PLA2G4F: variants seen among roughly 807,000 people sequenced by gnomAD.
PLA2G4F encodes the protein cytosolic phospholipase A2 zeta.
In PLA2G4F, 105 loss-of-function variants were observed where a neutral mutation model predicts 103.1. The observed-to-expected ratio is 1.02, with a 90% CI of 0.87 to 1.20. The LOEUF (loss-of-function observed/expected upper bound fraction) is 1.20, where lower values mean the gene tolerates loss of function less well. Among genes scored for constraint, PLA2G4F ranks in the 50% most tolerant of loss-of-function variants. The probability of loss-of-function intolerance (pLI) is 0.00; values close to 1 mark genes in which losing one functional copy is unlikely to be tolerated. For missense variants in PLA2G4F, 1,155 were observed against 1,075.9 expected, an observed-to-expected ratio of 1.07 and a Z score of -1.03; for synonymous variants, 468 against 441.1, an observed-to-expected ratio of 1.06 and a Z score of -0.76.
Position 42,149,755 on chromosome 15 carries a change from C to T in PLA2G4F, c.1017G>A (p.Leu339=). 1.2e-6 allele frequency: 2 copies of T among 1,614,206 alleles called. No individual in the cohort carries two copies. Among genetic ancestry groups the T allele is most frequent in the Non-Finnish European group, 1.7e-6 (2 of 1,180,028 alleles). Residue 339 remains leucine (L), a synonymous_variant, in exon 11 of 20, where the codon CTG becomes CTA. Coordinates refer to ENST00000397272, the MANE Select transcript of PLA2G4F (RefSeq NM_213600.4). ...CCTCACTCAATCCCAGCACTTGCTG[C>T]AGGGCCTTGGACACGACCTGCTTCC... The part of the protein sequence containing the change: ...DRRKQVVSKA[L]QQVLGLSEAL...
intron 19 of PLA2G4F, 92 bp from the exon 20 acceptor site, chr15:42,142,296 T>A: frequency 8.4e-6 from 11 of 1,317,052 alleles, no homozygotes; most frequent in Non-Finnish European, 1.1e-5. Flanking sequence ...GCAGGACACC[T>A]GGCTGGCTCC....
rs1446955159 is a variant in PLA2G4F, at chr15:42,153,606, C to T, written c.491+14G>A. The T allele has an allele frequency of 4.3e-6, 7 of 1,614,058 alleles. No homozygotes were observed. The highest frequency in any genetic ancestry group is 5.9e-6 in the Non-Finnish European group (7 of 1,180,010). On this transcript the variant is annotated intron_variant, in intron 5 of 19. Transcript: ENST00000397272. ...CTCTGAGTCTCTGAGGGCGTTGGCTCTACCAGAACTCACCTCTTCTCCAGA... is the reference window on the plus strand; with the variant it reads ...CTCTGAGTCTCTGAGGGCGTTGGCTTTACCAGAACTCACCTCTTCTCCAGA...
At chr15:42,152,843 G>A in intron 6 of PLA2G4F, 89 bp from the exon 7 acceptor site, 2 of 1,290,396 alleles carry the variant, frequency 1.5e-6, no homozygotes, top group East Asian at 2.5e-5. Flanking sequence ...CAGGGTCTGG[G>A]AAACAGCCAT....
At position 42,142,593 on chromosome 15, in the gene PLA2G4F, G is replaced by C; in HGVS notation, c.2264C>G (p.Pro755Arg). 1 of 1,614,142 alleles carries C rather than the reference G, an allele frequency of 6.2e-7. No individual in the cohort carries two copies. The stretch of plus-strand genomic sequence containing the variant: ...GAAGTGCAGCACAATGGGGGAGCGG[G>C]GGTCCTCAGCCTTGGCAAACAGATA... ...ECYLFAKAED[P>R]RSPIVLHFPL... The change falls in exon 19 of 20, where the codon CCC (proline) becomes CGC (arginine). Residue 755 changes from proline (P) to arginine (R), a missense_variant. Transcript: ENST00000397272.
rs141111046 is a variant in PLA2G4F at position 42,146,159 on chromosome 15, A to G, written c.1502T>C (p.Val501Ala). 1.8e-4 allele frequency: 294 copies of G among 1,614,088 alleles called. No individual in the cohort carries two copies. The highest frequency in any genetic ancestry group is 2.3e-4 in the Non-Finnish European group (277 of 1,180,046). ...ATCTTCCCCACTCAAGTTGGTGCGG[A>G]CGTTGACACTGGTGTAAATGGGGTA... ...NPYPIYTSVNVRTNLSGEDFA... is the reference protein window; with the variant it reads ...NPYPIYTSVNARTNLSGEDFA... Residue 501 changes from valine to alanine, a missense_variant, in exon 14 of 20, where the codon GTC becomes GCC. Val to Ala is a moderately conservative substitution (Grantham distance 64). Transcript: ENST00000397272.
In PLA2G4F at chr15:42,153,763, G is replaced by GCTTGGCTCC; in HGVS notation, c.451-104_451-103insGGAGCCAAG. On this transcript the variant is annotated intron_variant, in intron 4 of 19. Transcript: ENST00000397272. ...CTTGGCTCCAGGGGCTAGAAGGGGA[G>GCTTGGCTCC]ACTGGCATTGTGGCTTGTCATGGAC... 4 of 1,298,132 alleles carry GCTTGGCTCC rather than the reference G, an allele frequency of 3.1e-6. No individual in the cohort carries two copies. In the East Asian group the frequency reaches 6.9e-5, roughly 23 times the overall value. 80.4% of individuals were successfully genotyped at this position (1,298,132 alleles called of 1,614,324 possible).
intron 11 of PLA2G4F, chr15:42,148,673 C>T: frequency 1.0e-6 from 1 of 985,408 alleles, no homozygotes; most frequent in Non-Finnish European, 1.2e-6. Context: ...GACCTGCCCC[C>T]AGGCACCAAA....
At position 42,144,040 on chromosome 15, in the gene PLA2G4F, G is replaced by T. The variant is rs769361292; in HGVS notation, c.2080C>A (p.Leu694Met). 21 of 1,614,024 alleles carry T rather than the reference G, an allele frequency of 1.3e-5. No individual in the cohort carries two copies. The East Asian group carries it at 4.0e-4, about 31-fold the overall frequency. ...ATGAGGTCCACTGCTCTCTGAGGCAGCAGAGCCAGTGGGAACGGAGAGTTG... is the reference window on the plus strand; with the variant it reads ...ATGAGGTCCACTGCTCTCTGAGGCATCAGAGCCAGTGGGAACGGAGAGTTG... ...AINSPFPLAL[L>M]PQRAVDLILS... is the part of the protein sequence containing the mutation. Residue 694 changes from leucine (L) to methionine (M), a missense_variant, in exon 18 of 20, where the codon CTG becomes ATG. By Grantham distance (15) the Leu-to-Met change is conservative. This residue lies in a region of PLA2G4F where 782 missense variants were observed against 692.9 expected (regional missense o/e 1.13). Transcript: ENST00000397272.
chr15:42,142,762 C>T (rs752815113), intron 18 of PLA2G4F, 48 bp from the exon 19 acceptor site: 3 of 1,596,450 alleles, frequency 1.9e-6, no homozygotes, highest in Non-Finnish European at 2.6e-6. Flanking sequence ...ACCCTGGCCA[C>T]TCCCGCCGCC....
At chr15:42,149,955 C>A in intron 10 of PLA2G4F, 107 bp from the exon 11 acceptor site, 3 of 1,522,934 alleles carry the variant, frequency 2.0e-6, no homozygotes, top group South Asian at 2.3e-5. Flanking sequence ...TCCAAGGGAT[C>A]CGCCCACCAG....
At chr15:42,143,523 G>A (rs1278272645) in intron 18 of PLA2G4F, among the ~76,000 whole-genome samples, 2 of 152,188 alleles carry the variant, frequency 1.3e-5, no homozygotes, top group African/African-American at 2.4e-5. Flanking sequence ...GGGAATGGGG[G>A]CATCCGTCCA....
rs1595617859 is a variant in PLA2G4F, at chr15:42,145,567, A to G, written c.1780+8T>C. 1 of 1,612,546 alleles carries G rather than the reference A, an allele frequency of 6.2e-7. No homozygotes were observed. The highest frequency in any genetic ancestry group is 8.5e-7 in the Non-Finnish European group (1 of 1,179,066). On this transcript the variant is annotated splice_region_variant and intron_variant, in intron 16 of 19. Transcript: ENST00000397272. ...GGTGTGGGAGGGGCTCGGGGTCGCT[A>G]CCCTCACCTGTGATATTCACACTGC...
At chr15:42,152,594 T>A (rs143543335) in intron 7 of PLA2G4F, 94 bp downstream of exon 7, 3 of 1,333,600 alleles carry the variant, frequency 2.2e-6, no homozygotes, top group South Asian at 2.5e-5. Context: ...ATGAAAACTT[T>A]AAGAACTTCC....
intron 7 of PLA2G4F, chr15:42,151,257 G>C: frequency 3.0e-6 from 3 of 985,324 alleles, no homozygotes; most frequent in Non-Finnish European, 3.6e-6. Flanking sequence ...GGGAGAGGAA[G>C]GTTTGTAGAG....
rs1418919120 is a variant in PLA2G4F at position 42,156,618 on chromosome 15, AG to A, written c.-70del. 1 of 1,113,022 alleles carries A rather than the reference AG, an allele frequency of 9.0e-7. No homozygotes were observed. The highest frequency in any genetic ancestry group is 1.3e-6 in the Non-Finnish European group (1 of 783,672). The allele number at this position is 1,113,022 out of a possible 1,614,324, so 68.9% of individuals were successfully genotyped here. A position where few individuals can be genotyped will look rare whatever the true frequency, so the allele number is the denominator to read the frequency against. ...CTCTGGTTGCACAAACTGCTGGCTCAGGTGTGACAGGCAGCACTGAGTTGGG... is the reference window on the plus strand; with the variant it reads ...CTCTGGTTGCACAAACTGCTGGCTCAGTGTGACAGGCAGCACTGAGTTGGG... On this transcript the variant is annotated 5_prime_UTR_variant, in exon 1 of 20. Transcript: ENST00000397272.
chr15:42,139,612 A>T lies in PLA2G4F; in HGVS notation c.*2372T>A, dbSNP rs963393112. 2.0e-5 allele frequency: 3 copies of T among 152,242 alleles called. No individual in the cohort carries two copies. The highest frequency in any genetic ancestry group is 4.4e-5 in the Non-Finnish European group (3 of 68,074). 9.4% of individuals were successfully genotyped at this position (152,242 alleles called of 1,614,324 possible). A position where few individuals can be genotyped will look rare whatever the true frequency, so the allele number is the denominator to read the frequency against. On this transcript the variant is annotated 3_prime_UTR_variant, in exon 20 of 20. Transcript: ENST00000397272. ...CAGCCATCTCAGATAAGGGTTGGGA[A>T]TGAGGTAAAGACTCAGATCTCTCCT...
rs1595621609 is a variant in PLA2G4F, at chr15:42,149,644, T to G, written c.1059+69A>C. ...CTCTGGCCCCTCTTAGCCATGCTGGTCCTCTCAAGGGAAGAGACTTGATTT... is the reference window on the plus strand; with the variant it reads ...CTCTGGCCCCTCTTAGCCATGCTGGGCCTCTCAAGGGAAGAGACTTGATTT... On this transcript the variant is annotated intron_variant, in intron 11 of 19. Coordinates refer to ENST00000397272, the MANE Select transcript of PLA2G4F (RefSeq NM_213600.4). 5.0e-6 allele frequency: 8 copies of G among 1,592,468 alleles called. No homozygotes were observed. In the East Asian group the frequency reaches 1.8e-4, roughly 36 times the overall value.
chr15:42,156,452 C>T lies in PLA2G4F; in HGVS notation c.98G>A (p.Trp33Ter). The T allele has an allele frequency of 6.4e-7, 1 of 1,562,208 alleles. No individual in the cohort carries two copies. Among genetic ancestry groups the T allele is most frequent in the Non-Finnish European group, 8.7e-7 (1 of 1,152,220 alleles). The change falls in exon 1 of 20, where the codon TGG becomes TAG. Residue 33 changes from tryptophan to a stop codon, truncating the protein, a stop_gained. Transcript: ENST00000397272. LOFTEE classifies it high-confidence loss of function. Reference sequence around the variant, plus strand: ...CAGGTACGTTACCCGCCAGTGCCTCCACAGAGGGCCCCTCTTCTCTCTCTT... The same window carrying T: ...CAGGTACGTTACCCGCCAGTGCCTCTACAGAGGGCCCCTCTTCTCTCTCTT... ...LQKREKRGPL[W>*]RHWRRETYPY...
In PLA2G4F at chr15:42,153,671, G is replaced by A. The variant is rs531488177; in HGVS notation, c.451-11C>T. 10 of 1,614,090 alleles carry A rather than the reference G, an allele frequency of 6.2e-6. No homozygotes were observed. The South Asian group carries it at 7.7e-5, about 12-fold the overall frequency. ...CAGCTCTTGTGAATCCTACATGGAG[G>A]GGGAGGGAGCACCAATTTTTTCAAG... On this transcript the variant is annotated splice_polypyrimidine_tract_variant and intron_variant, in intron 4 of 19. Coordinates refer to ENST00000397272, the MANE Select transcript of PLA2G4F (RefSeq NM_213600.4).
Sources: gnomAD v4.1 joint callset for allele counts (sites outside exome capture counted in the v4.1 genomes callset) on GRCh38, gnomAD v4.1.1 for gene constraint, gnomAD v4.1.1 regional missense constraint, MANE v1.5 for transcripts, NCBI Gene and HGNC (gene_info 2026-07-23, HGNC 2026-07-21) for gene names.